The following RPS6KC1 variants were observed in gnomAD, a reference collection of about 807,000 sequenced individuals.
The protein encoded by RPS6KC1 is inactive ribosomal protein S6 kinase delta-1.
RPS6KC1 carries 54 observed loss-of-function variants against 103.8 expected under a neutral mutation model. The observed-to-expected ratio is 0.52, with a 90% confidence interval of 0.42 to 0.65. The LOEUF (loss-of-function observed/expected upper bound fraction) is 0.65, where lower values mean the gene tolerates loss of function less well. Ranked by LOEUF, RPS6KC1 falls within the 30% of genes least tolerant of loss-of-function variation. The probability of loss-of-function intolerance (pLI) is 0.00; values close to 1 mark genes in which losing one functional copy is unlikely to be tolerated. For missense variants in RPS6KC1, 1,151 were observed against 1,253.8 expected (o/e 0.92, Z 1.24); for synonymous variants, 439 against 438.7 (o/e 1.00, Z -0.01).
chr1:213,073,032 T>C (rs2079018953), intron 2 of RPS6KC1: 1 of 376,388 alleles, frequency 2.7e-6, no homozygotes, highest in Admixed American at 6.4e-5. Context: ...TTGTTAGAAG[T>C]GGTATAAATT....
the RPS6KC1 span, among the ~76,000 whole-genome samples, chr1:213,402,253 C>T: frequency 6.6e-6 from 1 of 152,128 alleles, no homozygotes; most frequent in South Asian, 2.1e-4. Context: ...TGCTGACAGT[C>T]TAGTAAGGGA....
intron 4 of RPS6KC1, among the ~76,000 whole-genome samples, chr1:213,105,323 C>T (rs1330390216): frequency 1.4e-5 from 2 of 145,610 alleles, no homozygotes; most frequent in Non-Finnish European, 3.0e-5. Context: ...ACTACATTTT[C>T]CCTGTTGCAT....
chr1:213,245,549 C>A (rs1412763495), intron 12 of RPS6KC1, among the ~76,000 whole-genome samples: 1 of 152,150 alleles, frequency 6.6e-6, no homozygotes, highest in Non-Finnish European at 1.5e-5. Context: ...TCCTGGGAAT[C>A]CTTATCACAT....
At chr1:213,116,700 C>G (rs970007245) in intron 4 of RPS6KC1, among the ~76,000 whole-genome samples, 1 of 151,752 alleles carries the variant, frequency 6.6e-6, no homozygotes, top group Non-Finnish European at 1.5e-5. Flanking sequence ...CCAGTTGTTC[C>G]TTTCCATGTT....
intron 12 of RPS6KC1, among the ~76,000 whole-genome samples, chr1:213,254,336 A>G (rs564479229): frequency 4.0e-4 from 61 of 152,336 alleles, no homozygotes; most frequent in Non-Finnish European, 6.9e-4. Flanking sequence ...TCTCCATTAC[A>G]TTAAAAGATG....
intron 6 of RPS6KC1, among the ~76,000 whole-genome samples, chr1:213,141,778 T>C (rs2087060773): frequency 6.6e-6 from 1 of 152,090 alleles, no homozygotes; most frequent in African/African-American, 2.4e-5. Context: ...AACTTTACTC[T>C]TAACACTGCT....
At chr1:213,505,817 A>T in the RPS6KC1 span, among the ~76,000 whole-genome samples, 3 of 152,034 alleles carry the variant, frequency 2.0e-5, no homozygotes, top group Non-Finnish European at 2.9e-5. Context: ...TCTAACTGTG[A>T]CTTGTTTTGA....
chr1:213,543,536 G>A, the RPS6KC1 span, among the ~76,000 whole-genome samples: 11 of 152,186 alleles, frequency 7.2e-5, no homozygotes, highest in Non-Finnish European at 1.5e-4. Context: ...ATTGGGGTTA[G>A]GAGGATCCTT....
At chr1:213,815,418 C>T in the RPS6KC1 span, among the ~76,000 whole-genome samples, 1 of 152,172 alleles carries the variant, frequency 6.6e-6, no homozygotes, top group Admixed American at 6.5e-5. Context: ...TTTAGTTATG[C>T]ACCCCAAGTT....
At chr1:213,463,282 C>T in the RPS6KC1 span, among the ~76,000 whole-genome samples, 1 of 152,202 alleles carries the variant, frequency 6.6e-6, no homozygotes, top group Non-Finnish European at 1.5e-5. Flanking sequence ...ACTCTGGGGC[C>T]TGTCTGCTTG....
At chr1:213,088,625 T>C (rs1221936629) in intron 3 of RPS6KC1, among the ~76,000 whole-genome samples, 1 of 152,182 alleles carries the variant, frequency 6.6e-6, no homozygotes, top group Admixed American at 6.5e-5. Flanking sequence ...CCCAAAGTGC[T>C]GTGCTGGTAT....
chr1:213,129,592 G>A lies in RPS6KC1; in HGVS notation c.538G>A (p.Asp180Asn). 6.2e-7 allele frequency: 1 copy of A among 1,613,876 alleles called. No homozygotes were observed. Among genetic ancestry groups the A allele is most frequent in the Non-Finnish European group, 8.5e-7 (1 of 1,179,816 alleles). Residue 180 changes from aspartate to asparagine, a missense_variant, in exon 6 of 15, where the codon GAT becomes AAT. Asp to Asn is a conservative substitution (Grantham distance 23). This residue lies in a region of RPS6KC1 where 959 missense variants were observed against 1,006.3 expected (regional missense o/e 0.95). Transcript: ENST00000366960. ...VDVDSLAELD[D>N]GMASNQNSPI... is the part of the protein sequence containing the mutation. Reference sequence around the variant, plus strand: ...TGTGGATTCTCTTGCTGAGTTAGATGATGGAATGGCTTCCAATCAAAATTC... The same window carrying A: ...TGTGGATTCTCTTGCTGAGTTAGATAATGGAATGGCTTCCAATCAAAATTC...
rs370006347 is a variant in RPS6KC1 at position 213,182,639 on chromosome 1, T to C, written c.1044+6147T>C. Among the ~76,000 whole-genome samples, 12 of 151,680 alleles carry C rather than the reference T, an allele frequency of 7.9e-5. No homozygotes were observed. The East Asian group carries it at 1.5e-3, about 20-fold the overall frequency. The stretch of plus-strand genomic sequence containing the variant: ...CTTAAGCCCTAACACATTATAAATA[T>C]ACCAGTTAAAAAAACAGAGATTGAT... On this transcript the variant is annotated intron_variant, in intron 8 of 14. Coordinates refer to ENST00000366960, the MANE Select transcript of RPS6KC1 (RefSeq NM_012424.6).
chr1:213,107,401 G>A (rs971921272), intron 4 of RPS6KC1, among the ~76,000 whole-genome samples: 1 of 152,108 alleles, frequency 6.6e-6, no homozygotes, highest in African/African-American at 2.4e-5. Context: ...TATATGTAGC[G>A]TTTTGTTCAC....
the RPS6KC1 span, among the ~76,000 whole-genome samples, chr1:213,853,605 A>G: frequency 3.9e-5 from 6 of 152,214 alleles, no homozygotes; most frequent in African/African-American, 1.2e-4. Flanking sequence ...TTTTGTTTCA[A>G]TGATGCCTAT....
chr1:213,288,096 G>C, the RPS6KC1 span, among the ~76,000 whole-genome samples: 3 of 152,340 alleles, frequency 2.0e-5, no homozygotes, highest in African/African-American at 7.2e-5. Flanking sequence ...CTAATGGTTG[G>C]TGACATTCTC....
chr1:213,118,021 C>CAAAAAAAAAAAAAAAAAAAAAAAAAA lies in RPS6KC1; in HGVS notation c.472+629_472+630insAAAAAAAAAAAAAAAAAAAAAAAAAA, dbSNP rs59318173. On this transcript the variant is annotated intron_variant, in intron 5 of 14. Coordinates refer to ENST00000366960, the MANE Select transcript of RPS6KC1 (RefSeq NM_012424.6). ...TGGACAACAAAGCAAGACTTTGTCT[C>CAAAAAAAAAAAAAAAAAAAAAAAAAA]AAAAAAAAAAAAAAAAAAGCCTTAC... Among the ~76,000 whole-genome samples, 38 of 34,172 alleles carry CAAAAAAAAAAAAAAAAAAAAAAAAAA rather than the reference C, an allele frequency of 1.1e-3. 5 individuals carry two copies. Among genetic ancestry groups the CAAAAAAAAAAAAAAAAAAAAAAAAAA allele is most frequent in the Non-Finnish European group, 1.6e-3 (27 of 17,006 alleles). The allele number at this position is 34,172 out of a possible 152,430, so 22.4% of individuals were successfully genotyped here. A position where few individuals can be genotyped will look rare whatever the true frequency, so the allele number is the denominator to read the frequency against.
chr1:213,261,508 G>C, intron 12 of RPS6KC1, 50 bp from the exon 13 acceptor site: 1 of 1,535,694 alleles, frequency 6.5e-7, no homozygotes, highest in Non-Finnish European at 9.0e-7. Flanking sequence ...AATTTTGAAA[G>C]TTTAATTGAC....
the RPS6KC1 span, among the ~76,000 whole-genome samples, chr1:213,632,879 G>T: frequency 7.2e-4 from 110 of 152,196 alleles, no homozygotes; most frequent in Admixed American, 2.0e-3. Flanking sequence ...GAAAACCATG[G>T]CATGAGAACT....
Sources: allele counts gnomAD v4.1 joint callset (sites outside exome capture counted in the v4.1 genomes callset), GRCh38; gene constraint gnomAD v4.1.1; regional missense constraint gnomAD v4.1.1; transcripts MANE v1.5; gene names NCBI Gene and HGNC (gene_info 2026-07-23, HGNC 2026-07-21).